FCMR: variants seen among roughly 807,000 people sequenced by gnomAD.
FCMR encodes the protein immunoglobulin mu Fc receptor.
FCMR carries 34 observed loss-of-function variants against 41.6 expected under a neutral mutation model. The ratio of observed to expected loss-of-function variants is 0.82; its 90% CI spans 0.62 to 1.09. FCMR has a LOEUF of 1.09. FCMR is among the 50% of genes least tolerant of loss of function. The pLI is 0.00. For synonymous variants in FCMR, 209 were observed against 211.8 expected, an observed-to-expected ratio of 0.99 and a Z score of 0.12; for missense variants, 496 against 512.5, an observed-to-expected ratio of 0.97 and a Z score of 0.31.
intron 1 of FCMR, among the ~76,000 whole-genome samples, chr1:206,920,868 AG>A (rs1679409211): frequency 6.6e-6 from 1 of 152,248 alleles, no homozygotes; most frequent in Admixed American, 6.5e-5. Flanking sequence ...ACATGGATCT[AG>A]AAACTGCAAT....
chr1:206,909,874 C>G lies in FCMR; in HGVS notation c.842-6G>C, dbSNP rs1015567819. 24 of 1,375,228 alleles carry G rather than the reference C, an allele frequency of 1.7e-5. No individual in the cohort carries two copies. Among genetic ancestry groups the G allele is most frequent in the Non-Finnish European group, 2.3e-5 (24 of 1,065,376 alleles). The allele number at this position is 1,375,228 out of a possible 1,614,324, so 85.2% of individuals were successfully genotyped here. On this transcript the variant is annotated splice_polypyrimidine_tract_variant and splice_region_variant and intron_variant, in intron 5 of 7. Coordinates refer to ENST00000367091, the MANE Select transcript of FCMR (RefSeq NM_005449.5). The surrounding 1 kb of genome is among the most constrained non-coding windows in gnomAD (Gnocchi z 5.0). ...GCGGGCCCGCCTGGAGAGGGCTTCC[C>G]CACAAAGCCACGGGAAGAGGGAGGA...
In FCMR at chr1:206,904,015, G is replaced by A. The variant is rs1275656411; in HGVS notation, c.*1004C>T. On this transcript the variant is annotated 3_prime_UTR_variant, in exon 8 of 8. Coordinates refer to ENST00000367091, the MANE Select transcript of FCMR (RefSeq NM_005449.5). ...TGGTCGACATCAATCTAAAGATACAGTGTCTGACTATAACCTTGTTCCAAA... is the reference window on the plus strand; with the variant it reads ...TGGTCGACATCAATCTAAAGATACAATGTCTGACTATAACCTTGTTCCAAA... The A allele has an allele frequency of 6.6e-6, 1 of 152,354 alleles. No individual in the cohort carries two copies. Among genetic ancestry groups the A allele is most frequent in the Non-Finnish European group, 1.5e-5 (1 of 68,060 alleles). The allele number at this position is 152,354 out of a possible 1,614,324, so 9.4% of individuals were successfully genotyped here.
intron 3 of FCMR, 33 bp downstream of exon 3, chr1:206,912,896 C>T (rs537908315): frequency 1.4e-6 from 2 of 1,411,574 alleles, no homozygotes; most frequent in East Asian, 2.3e-5. Context: ...AGCATCTCAC[C>T]CACCTCTCCT....
intron 7 of FCMR, chr1:206,906,182 C>T (rs1358516590): frequency 1.6e-5 from 8 of 513,720 alleles, no homozygotes; most frequent in Non-Finnish European, 1.2e-5. Context: ...GATGTCAACC[C>T]GAAGCAAATT....
Position 206,909,820 on chromosome 1 carries a change from T to C in FCMR, c.890A>G (p.Glu297Gly), listed in dbSNP as rs867145899. 8.4e-5 allele frequency: 119 copies of C among 1,410,514 alleles called. 2 individuals are homozygous for C. The Middle Eastern group carries it at 9.4e-3, about 111-fold the overall frequency. The allele number at this position is 1,410,514 out of a possible 1,614,324, so 87.4% of individuals were successfully genotyped here. A position where few individuals can be genotyped will look rare whatever the true frequency, so the allele number is the denominator to read the frequency against. Residue 297 changes from glutamate (E) to glycine (G), a missense_variant, in exon 6 of 8, where the codon GAG (glutamate) becomes GGG (glycine). Transcript: ENST00000367091. This position sits in a 1 kb window ranked among gnomAD's most constrained non-coding sequence, Gnocchi z 5.0. ...CGACCCGCGGGGCCTCTGGGAGCTCTCCAGGGCGCGCATCCTCACGGCCAG... is the reference window on the plus strand; with the variant it reads ...CGACCCGCGGGGCCTCTGGGAGCTCCCCAGGGCGCGCATCCTCACGGCCAG... ...RRLAVRMRALESSQRPRGSPR... is the reference protein window; with the variant it reads ...RRLAVRMRALGSSQRPRGSPR...
Position 206,910,320 on chromosome 1 carries a change from T to G in FCMR, c.731A>C (p.Gln244Pro). 1 of 1,569,750 alleles carries G rather than the reference T, an allele frequency of 6.4e-7. No homozygotes were observed. The highest frequency in any genetic ancestry group is 8.6e-7 in the Non-Finnish European group (1 of 1,157,292). ...HRQRALDYGS[Q>P]SGREGQGFHI... ...AAATCCTTGGCCTTCCCTCCCAGAC[T>G]GTGAGCCATAGTCCAGTGCTCTGGG... The change falls in exon 5 of 8, where the codon CAG (glutamine) becomes CCG (proline). Residue 244 changes from glutamine to proline, a missense_variant. Physicochemically the swap from Gln to Pro is moderately conservative, Grantham distance 76. Transcript: ENST00000367091.
chr1:206,918,216 A>G (rs1208767746), intron 1 of FCMR, among the ~76,000 whole-genome samples: 1 of 152,072 alleles, frequency 6.6e-6, no homozygotes, highest in Non-Finnish European at 1.5e-5. Flanking sequence ...AGCTTGAAAC[A>G]CACCCTTGGT....
chr1:206,913,479 C>G (rs778321068), intron 2 of FCMR, among the ~76,000 whole-genome samples: 73 of 152,292 alleles, frequency 4.8e-4, no homozygotes, highest in Non-Finnish European at 6.9e-4. Flanking sequence ...ATCTCAGAGC[C>G]TCTCCTCAAT....
rs1678812448 is a variant in FCMR, at chr1:206,909,304, A to T, written c.1044+158T>A. ...TGACACCAAACAAGGAGGAAACTAA[A>T]ACAACTTGTTCCTCGGCTCAGGGCC... is the stretch of plus-strand genomic sequence containing the variant. On this transcript the variant is annotated intron_variant, in intron 7 of 7. Coordinates refer to ENST00000367091, the MANE Select transcript of FCMR (RefSeq NM_005449.5). The surrounding 1 kb of genome is among the most constrained non-coding windows in gnomAD (Gnocchi z 5.0). Among the ~76,000 whole-genome samples, 1 of 152,144 alleles carries T rather than the reference A, an allele frequency of 6.6e-6. No homozygotes were observed. Among genetic ancestry groups the T allele is most frequent in the Non-Finnish European group, 1.5e-5 (1 of 68,008 alleles).
chr1:206,913,794 C>T lies in FCMR; in HGVS notation c.338G>A (p.Gly113Glu), dbSNP rs774062671. 3.1e-6 allele frequency: 5 copies of T among 1,614,214 alleles called. No individual in the cohort carries two copies. The Admixed American group carries it at 5.0e-5, about 16-fold the overall frequency. ...ATTCAGGGTGACTTTCTGGGTCTTTCCCCGGTCTGTGTTCATGCCCGCTCC... is the reference window on the plus strand; with the variant it reads ...ATTCAGGGTGACTTTCTGGGTCTTTTCCCGGTCTGTGTTCATGCCCGCTCC... ...ACGAGMNTDR[G>E]KTQKVTLNVH... The change falls in exon 2 of 8, where the codon GGA (glycine) becomes GAA (glutamate). Residue 113 changes from glycine to glutamate, a missense_variant. Gly to Glu is a moderately conservative substitution (Grantham distance 98, BLOSUM62 -2). Transcript: ENST00000367091.
At chr1:206,912,046 C>T in intron 3 of FCMR, 94 bp from the exon 4 acceptor site, 1 of 942,608 alleles carries the variant, frequency 1.1e-6, no homozygotes, top group Non-Finnish European at 1.6e-6. Context: ...CATACCCTTC[C>T]CTTTTATACA....
rs1009267266 is a variant in FCMR, at chr1:206,905,026, G to A, written c.1166C>T (p.Pro389Leu). The A allele has an allele frequency of 6.8e-6, 11 of 1,613,920 alleles. No individual in the cohort carries two copies. The Admixed American group carries it at 1.2e-4, about 17-fold the overall frequency. The change falls in exon 8 of 8, where the codon CCT (proline) becomes CTT (leucine). Residue 389 changes from proline (P) to leucine (L), a missense_variant. Coordinates refer to ENST00000367091, the MANE Select transcript of FCMR (RefSeq NM_005449.5). The stretch of plus-strand genomic sequence containing the variant: ...GGGATAGCTGGGGAGTTGTCAGGCA[G>A]GAACATTGATGTAGTCATCTGAATC... ...DSDSDDYINV[P>L]A
chr1:206,904,893 G>C lies in FCMR; in HGVS notation c.*126C>G. 1 of 1,030,282 alleles carries C rather than the reference G, an allele frequency of 9.7e-7. No homozygotes were observed. The highest frequency in any genetic ancestry group is 1.5e-6 in the Non-Finnish European group (1 of 671,130). 63.8% of individuals were successfully genotyped at this position (1,030,282 alleles called of 1,614,324 possible). ...GCACAGATAGATGGGGATGGGAGTC[G>C]AGATGGGGCATGGGAAGTGATGAGG... is the stretch of plus-strand genomic sequence containing the variant. On this transcript the variant is annotated 3_prime_UTR_variant, in exon 8 of 8. Coordinates refer to ENST00000367091, the MANE Select transcript of FCMR (RefSeq NM_005449.5).
intron 2 of FCMR, 116 bp from the exon 3 acceptor site, chr1:206,913,158 A>G (rs546962122): frequency 6.4e-6 from 5 of 785,784 alleles, no homozygotes; most frequent in South Asian, 6.0e-5. Context: ...GGCAGGGTCC[A>G]CTGAAAGAAG....
At position 206,906,312 on chromosome 1, in the gene FCMR, T is replaced by G. The variant is rs142952144; in HGVS notation, c.1045-1165A>C. 558 of 236,398 alleles carry G rather than the reference T, an allele frequency of 2.4e-3. 9 individuals carry two copies. Among genetic ancestry groups the G allele is most frequent in the African/African-American group, 0.012 (540 of 43,342 alleles). The allele number at this position is 236,398 out of a possible 1,614,324, so 14.6% of individuals were successfully genotyped here. A position where few individuals can be genotyped will look rare whatever the true frequency, so the allele number is the denominator to read the frequency against. Reference sequence around the variant, plus strand: ...GAAGGTGGTAATACCTGAGCTTCCTTTAGAGGCCAAAGAAGAGACTGAGGA... The same window carrying G: ...GAAGGTGGTAATACCTGAGCTTCCTGTAGAGGCCAAAGAAGAGACTGAGGA... On this transcript the variant is annotated intron_variant, in intron 7 of 7. Coordinates refer to ENST00000367091, the MANE Select transcript of FCMR (RefSeq NM_005449.5).
At position 206,911,798 on chromosome 1, in the gene FCMR, T is replaced by C. The variant is rs769407538; in HGVS notation, c.642A>G (p.Ser214=). 6.2e-7 allele frequency: 1 copy of C among 1,612,362 alleles called. No individual in the cohort carries two copies. Among genetic ancestry groups the C allele is most frequent in the Admixed American group, 1.7e-5 (1 of 59,612 alleles). ...GGGGCTTGAGCAGCCCCTCCAGAGC[T>C]GAGATTTTTGAGGCTGTAGTGGATG... ...FLPSTTASKI[S]ALEGLLKPQT... is the part of the protein sequence containing the mutation. The change falls in exon 4 of 8, where the codon TCA becomes TCG. Residue 214 remains serine (S), a synonymous_variant. Transcript: ENST00000367091.
chr1:206,911,242 T>A (rs1468605037), intron 4 of FCMR, among the ~76,000 whole-genome samples: 1 of 151,774 alleles, frequency 6.6e-6, no homozygotes, highest in Non-Finnish European at 1.5e-5. Context: ...TATAGGGTTT[T>A]TTTTTTTTGG....
chr1:206,914,405 T>G (rs1319966499), intron 1 of FCMR, among the ~76,000 whole-genome samples: 1 of 142,990 alleles, frequency 7.0e-6, no homozygotes, highest in Non-Finnish European at 1.5e-5. Flanking sequence ...TTCTCTTTCT[T>G]TCTTTCCTTC....
In FCMR at chr1:206,911,944, G is replaced by T. The variant is rs111888932; in HGVS notation, c.496C>A (p.Pro166Thr). The T allele has an allele frequency of 4.4e-6, 7 of 1,609,056 alleles. No individual in the cohort carries two copies. Among genetic ancestry groups the T allele is most frequent in the Non-Finnish European group, 5.9e-6 (7 of 1,178,478 alleles). The change falls in exon 4 of 8, where the codon CCA becomes ACA. Residue 166 changes from proline to threonine, a missense_variant. Pro to Thr is a conservative substitution (Grantham distance 38). Transcript: ENST00000367091. ...GGAGGGACCTTGCCCCTTTGAGCTG[G>T]TGTGGTAACTGCAGGAGGTAGCAGG... is the stretch of plus-strand genomic sequence containing the variant. Reference protein sequence around the residue: ...SSKFVTRVTTPAQRGKVPPVH... With the variant: ...SSKFVTRVTTTAQRGKVPPVH...
Sources: gnomAD v4.1 joint callset for allele counts (sites outside exome capture counted in the v4.1 genomes callset) on GRCh38, gnomAD v4.1.1 for gene constraint, Gnocchi (gnomAD v3.1) non-coding constraint, MANE v1.5 for transcripts, NCBI Gene and HGNC (gene_info 2026-07-23, HGNC 2026-07-21) for gene names.